Variants in SKI observed in about 807,000 individuals in gnomAD.
The protein encoded by SKI is SKI proto-oncogene, also known as ski oncogene.
Under a neutral mutation model 59.3 loss-of-function variants are expected in SKI, and 23 were observed. The observed-to-expected ratio is 0.39, with a 90% confidence interval of 0.28 to 0.55. The LOEUF (loss-of-function observed/expected upper bound fraction) is 0.55. Among genes scored for constraint, SKI ranks in the 20% least tolerant of loss-of-function variants. The probability of loss-of-function intolerance (pLI) is 0.67; values close to 1 mark genes in which losing one functional copy is unlikely to be tolerated. For missense variants in SKI, 1,017 were observed against 1,038.9 expected (o/e 0.98, Z 0.29); for synonymous variants, 673 against 488.6 (o/e 1.38, Z -4.98).
intron 1 of SKI, among the ~76,000 whole-genome samples, chr1:2,298,095 C>T (rs970127371): frequency 1.3e-5 from 2 of 152,152 alleles, no homozygotes; most frequent in Non-Finnish European, 2.9e-5. Flanking sequence ...TGGTGGTGGC[C>T]CCTGGACTGA....
intron 1 of SKI, among the ~76,000 whole-genome samples, chr1:2,300,301 A>G (rs2100910963): frequency 6.6e-6 from 1 of 152,338 alleles, no homozygotes; most frequent in South Asian, 2.1e-4. Context: ...TTGCAGGCCT[A>G]TCCAGGCCCA....
chr1:2,237,588 G>A (rs1638778642), intron 1 of SKI, among the ~76,000 whole-genome samples: 1 of 152,254 alleles, frequency 6.6e-6, no homozygotes, highest in Non-Finnish European at 1.5e-5. Context: ...CTGTTGAGAG[G>A]AGGCTGACTG....
chr1:2,262,404 T>G (rs1437143217), intron 1 of SKI, among the ~76,000 whole-genome samples: 3 of 149,806 alleles, frequency 2.0e-5, no homozygotes, highest in Non-Finnish European at 4.4e-5. Context: ...GATCTCCTGA[T>G]CTGGAAGGCG....
At chr1:2,280,442 G>A (rs904149546) in intron 1 of SKI, among the ~76,000 whole-genome samples, 6 of 152,006 alleles carry the variant, frequency 3.9e-5, no homozygotes, top group African/African-American at 1.4e-4. Flanking sequence ...CCTCGTTGGG[G>A]AAGGCCTGGT....
Position 2,228,703 on chromosome 1 carries a change from C to T in SKI, c.-64C>T, listed in dbSNP as rs1379568046. ...GGCGCCGCCGGGGCGCGCGGGGCGG[C>T]GGCGGGGGCCGGGGGGGCCCGGGCG... On this transcript the variant is annotated 5_prime_UTR_variant, in exon 1 of 7. Transcript: ENST00000378536. The T allele has an allele frequency of 1.5e-5, 14 of 955,134 alleles. No individual in the cohort carries two copies. The highest frequency in any genetic ancestry group is 1.8e-5 in the African/African-American group (1 of 55,432). The allele number at this position is 955,134 out of a possible 1,614,324, so 59.2% of individuals were successfully genotyped here.
chr1:2,283,370 C>T (rs1481712023), intron 1 of SKI, among the ~76,000 whole-genome samples: 1 of 152,162 alleles, frequency 6.6e-6, no homozygotes, highest in Admixed American at 6.5e-5. Context: ...GGCAGGGCCT[C>T]CTGAGGAGTA....
At chr1:2,305,393 ACCC>A (rs1174513439) in intron 5 of SKI, among the ~76,000 whole-genome samples, 1 of 151,130 alleles carries the variant, frequency 6.6e-6, no homozygotes, top group African/African-American at 2.4e-5. Flanking sequence ...GCACAACACA[ACCC>A]CGTCGGCCCT....
chr1:2,296,216 GA>G (rs1328928427), intron 1 of SKI, among the ~76,000 whole-genome samples: 2 of 136,648 alleles, frequency 1.5e-5, no homozygotes, highest in Admixed American at 7.4e-5. Flanking sequence ...TTGTCTCTAG[GA>G]AAAAAAACAA....
At chr1:2,244,986 A>G (rs776705189) in intron 1 of SKI, among the ~76,000 whole-genome samples, 2 of 152,314 alleles carry the variant, frequency 1.3e-5, no homozygotes, top group East Asian at 3.9e-4. Context: ...ACAATAATAT[A>G]TACGCACCTA....
chr1:2,272,827 C>T (rs1014837901), intron 1 of SKI, among the ~76,000 whole-genome samples: 2 of 152,016 alleles, frequency 1.3e-5, no homozygotes, highest in African/African-American at 2.4e-5. Context: ...CACCACGCCC[C>T]GAGCCTCCCC....
rs765582621 is a variant in SKI, at chr1:2,307,558, C to G, written c.*793C>G. The stretch of plus-strand genomic sequence containing the variant: ...TGCGTCGGGTGGTGACCGTGGCTGG[C>G]GGTCACGCCCTCAGCCCCTCCGGGC... On this transcript the variant is annotated 3_prime_UTR_variant, in exon 7 of 7. Transcript: ENST00000378536. 1 of 152,418 alleles carries G rather than the reference C, an allele frequency of 6.6e-6. No homozygotes were observed. Among genetic ancestry groups the G allele is most frequent in the South Asian group, 2.1e-4 (1 of 4,834 alleles). The allele number at this position is 152,418 out of a possible 1,614,324, so 9.4% of individuals were successfully genotyped here. A position where few individuals can be genotyped will look rare whatever the true frequency, so the allele number is the denominator to read the frequency against.
chr1:2,228,933 G>C lies in SKI; in HGVS notation c.167G>C (p.Gly56Ala), dbSNP rs1638564769. 7.2e-7 allele frequency: 1 copy of C among 1,383,986 alleles called. No individual in the cohort carries two copies. Among genetic ancestry groups the C allele is most frequent in the Non-Finnish European group, 9.4e-7 (1 of 1,064,534 alleles). The allele number at this position is 1,383,986 out of a possible 1,614,324, so 85.7% of individuals were successfully genotyped here. A position where few individuals can be genotyped will look rare whatever the true frequency, so the allele number is the denominator to read the frequency against. Residue 56 changes from glycine to alanine, a missense_variant, in exon 1 of 7, where the codon GGC becomes GCC. Gly to Ala is a moderately conservative substitution (Grantham distance 60). Coordinates refer to ENST00000378536, the MANE Select transcript of SKI (RefSeq NM_003036.4). ...AAGAAGGAGAGCGCCAAGGAGGCGG[G>C]CGCGGCCGCGGTGCCGGCGCCGGTG... is the stretch of plus-strand genomic sequence containing the variant. The part of the protein sequence containing the change: ...AYKKESAKEA[G>A]AAAVPAPVPA...
Position 2,269,085 on chromosome 1 carries a change from A to G in SKI, c.970-33893A>G, listed in dbSNP as rs1639560178. ...CAGCCTCATGAGTAGCCGAGACTAC[A>G]GGCACACACCACTACATCTGGCTAA... On this transcript the variant is annotated intron_variant, in intron 1 of 6. Transcript: ENST00000378536. The surrounding 1 kb of genome is among the most constrained non-coding windows in gnomAD (Gnocchi z 4.7). 6.6e-6 allele frequency among the ~76,000 whole-genome samples: 1 copy of G among 152,134 alleles called. No individual in the cohort carries two copies. The highest frequency in any genetic ancestry group is 2.1e-4 in the South Asian group (1 of 4,822).
chr1:2,300,283 G>A (rs529933134), intron 1 of SKI, among the ~76,000 whole-genome samples: 1 of 152,384 alleles, frequency 6.6e-6, no homozygotes, highest in African/African-American at 2.4e-5. Context: ...TTGGGATGGG[G>A]CAGCCCCTTG....
chr1:2,289,188 C>G (rs1640109017), intron 1 of SKI, among the ~76,000 whole-genome samples: 2 of 152,214 alleles, frequency 1.3e-5, no homozygotes, highest in Non-Finnish European at 2.9e-5. Context: ...GCTAGAGATG[C>G]AGCTCCTCTG....
intron 1 of SKI, among the ~76,000 whole-genome samples, chr1:2,241,900 C>T (rs1223033970): frequency 6.6e-6 from 1 of 152,202 alleles, no homozygotes; most frequent in East Asian, 1.9e-4. Flanking sequence ...CTTTTCGGGA[C>T]CCAGGGACAG....
In SKI at chr1:2,304,519, C is replaced by A. The variant is rs546910094; in HGVS notation, c.1701C>A (p.Val567=). Residue 567 remains valine, a synonymous_variant, in exon 5 of 7, where the codon GTC becomes GTA. Coordinates refer to ENST00000378536, the MANE Select transcript of SKI (RefSeq NM_003036.4). Reference sequence around the variant, plus strand: ...AAGAGAAGTTCCTGCATGAGGTGGTCAAGATGCGCGTGAAGCAGGAGGAGA... The same window carrying A: ...AAGAGAAGTTCCTGCATGAGGTGGTAAAGATGCGCGTGAAGCAGGAGGAGA... ...EAKEKFLHEV[V]KMRVKQEEKL... is the part of the protein sequence containing the mutation. The A allele has an allele frequency of 2.5e-6, 4 of 1,582,494 alleles. No homozygotes were observed. Among genetic ancestry groups the A allele is most frequent in the South Asian group, 2.3e-5 (2 of 86,534 alleles).
In SKI at chr1:2,307,454, C is replaced by A. The variant is rs545331149; in HGVS notation, c.*689C>A. ...AAGTGCAGAGCCGCACAGGAGCTGC[C>A]CCGGAGCTGAGGGGACGGTCTTCGG... On this transcript the variant is annotated 3_prime_UTR_variant, in exon 7 of 7. Transcript: ENST00000378536. The A allele has an allele frequency of 2.6e-5, 4 of 152,478 alleles. No homozygotes were observed. The highest frequency in any genetic ancestry group is 9.6e-5 in the African/African-American group (4 of 41,552). 9.4% of individuals were successfully genotyped at this position (152,478 alleles called of 1,614,324 possible). A position where few individuals can be genotyped will look rare whatever the true frequency, so the allele number is the denominator to read the frequency against.
In SKI at chr1:2,307,817, G is replaced by A. The variant is rs1569872146; in HGVS notation, c.*1052G>A. 6.6e-6 allele frequency: 1 copy of A among 152,402 alleles called. No individual in the cohort carries two copies. The highest frequency in any genetic ancestry group is 1.5e-5 in the Non-Finnish European group (1 of 68,044). The allele number at this position is 152,402 out of a possible 1,614,324, so 9.4% of individuals were successfully genotyped here. A position where few individuals can be genotyped will look rare whatever the true frequency, so the allele number is the denominator to read the frequency against. ...ACCGATTTATAGAGCAGTCAAATCCGAAGTGCTCGAGTGCTTAGAAACCCC... is the reference window on the plus strand; with the variant it reads ...ACCGATTTATAGAGCAGTCAAATCCAAAGTGCTCGAGTGCTTAGAAACCCC... On this transcript the variant is annotated 3_prime_UTR_variant, in exon 7 of 7. Transcript: ENST00000378536.
Sources: gnomAD v4.1 joint callset for allele counts (sites outside exome capture counted in the v4.1 genomes callset) on GRCh38, gnomAD v4.1.1 for gene constraint, Gnocchi (gnomAD v3.1) non-coding constraint, MANE v1.5 for transcripts, NCBI Gene and HGNC (gene_info 2026-07-23, HGNC 2026-07-21) for gene names.